Variants in FAT1 observed in about 807,000 individuals in gnomAD.
FAT1 encodes the protein FAT atypical cadherin 1, also known as protocadherin Fat 1.
In FAT1, 171 loss-of-function variants were observed where a neutral mutation model predicts 329.8. The observed-to-expected ratio is 0.52, with a 90% confidence interval of 0.46 to 0.59. FAT1 has a LOEUF of 0.59. Among genes scored for constraint, FAT1 ranks in the 20% least tolerant of loss-of-function variants. The pLI, the probability that FAT1 is intolerant of heterozygous loss-of-function variation, is 0.00. For missense variants in FAT1, 5,672 were observed against 5,774.4 expected, an observed-to-expected ratio of 0.98 and a Z score of 0.57; for synonymous variants, 2,233 against 2,228.6, an observed-to-expected ratio of 1.00 and a Z score of -0.06.
intron 24 of FAT1, 147 bp from the exon 25 acceptor site, chr4:186,597,318 G>A (rs1399739870): frequency 1.3e-5 from 11 of 854,248 alleles, no homozygotes; most frequent in Admixed American, 9.9e-5. Flanking sequence ...AAAATGTAAC[G>A]TCGACAACCA....
chr4:186,714,832 C>CA (rs1745133198), intron 1 of FAT1, among the ~76,000 whole-genome samples: 1 of 152,246 alleles, frequency 6.6e-6, no homozygotes, highest in South Asian at 2.1e-4. Context: ...GTAATCCCAG[C>CA]ACTTCGGGAG....
intron 1 of FAT1, among the ~76,000 whole-genome samples, chr4:186,723,220 T>A (rs1376875036): frequency 5.3e-5 from 8 of 152,192 alleles, no homozygotes; most frequent in Non-Finnish European, 7.4e-5. Flanking sequence ...CATCTGCACC[T>A]CCGGGCAGCG....
rs1423789927 is a variant in FAT1, at chr4:186,619,539, A to G, written c.7047T>C (p.Asp2349=). Reference sequence around the variant, plus strand: ...TCGTGTGCTGCCGGGACTGCTCGTAATCCAGGGTTCTGAGTAGTGAGATGA... The same window carrying G: ...TCGTGTGCTGCCGGGACTGCTCGTAGTCCAGGGTTCTGAGTAGTGAGATGA... ...TGLISLLRTL[D]YEQSRQHTIF... Residue 2349 remains aspartate (D), a synonymous_variant, in exon 10 of 27, where the codon GAT becomes GAC. Transcript: ENST00000441802. 2 of 1,613,920 alleles carry G rather than the reference A, an allele frequency of 1.2e-6. No homozygotes were observed. Among genetic ancestry groups the G allele is most frequent in the South Asian group, 2.2e-5 (2 of 91,084 alleles).
Position 186,595,815 on chromosome 4 carries a change from C to A in FAT1, c.13012G>T (p.Asp4338Tyr), listed in dbSNP as rs2126383011. 1 of 1,613,898 alleles carries A rather than the reference C, an allele frequency of 6.2e-7. No homozygotes were observed. The highest frequency in any genetic ancestry group is 8.5e-7 in the Non-Finnish European group (1 of 1,179,872). The change falls in exon 26 of 27, where the codon GAT (aspartate) becomes TAT (tyrosine). Residue 4338 changes from aspartate (D) to tyrosine (Y), a missense_variant. Coordinates refer to ENST00000441802, the MANE Select transcript of FAT1 (RefSeq NM_005245.4). ...WDFDYDTKVVDLDPCLSKKPL... is the reference protein window; with the variant it reads ...WDFDYDTKVVYLDPCLSKKPL... ...TTCTTGGAAAGACAGGGATCAAGATCCACCACTTTTGCTAAAAGGAAGGAT... is the reference window on the plus strand; with the variant it reads ...TTCTTGGAAAGACAGGGATCAAGATACACCACTTTTGCTAAAAGGAAGGAT...
rs145963507 is a variant in FAT1 at position 186,603,279 on chromosome 4, A to T, written c.11247T>A (p.Asp3749Glu). The change falls in exon 19 of 27, where the codon GAT becomes GAA. Residue 3749 changes from aspartate (D) to glutamate (E), a missense_variant. Asp to Glu is a conservative substitution (Grantham distance 45). This residue lies in a region of FAT1 where 1,706 missense variants were observed against 1,859.1 expected (regional missense o/e 0.92). Coordinates refer to ENST00000441802, the MANE Select transcript of FAT1 (RefSeq NM_005245.4). Reference sequence around the variant, plus strand: ...CACTTTCATCCACAGACACCTTTTCATCGCAGAACTTCCAGGGGCAGTCCA... The same window carrying T: ...CACTTTCATCCACAGACACCTTTTCTTCGCAGAACTTCCAGGGGCAGTCCA... ...AGLDCPWKFCDEKVSVDESVM... is the reference protein window; with the variant it reads ...AGLDCPWKFCEEKVSVDESVM... 1.3e-5 allele frequency: 21 copies of T among 1,613,948 alleles called. No individual in the cohort carries two copies. In the African/African-American group the frequency reaches 2.5e-4, roughly 19 times the overall value.
rs142004511 is a variant in FAT1, at chr4:186,694,542, C to T, written c.3265+12021G>A. Among the ~76,000 whole-genome samples, 54 of 152,258 alleles carry T rather than the reference C, an allele frequency of 3.5e-4. No individual in the cohort carries two copies. The East Asian group carries it at 0.01, about 29-fold the overall frequency. ...AAGAAAACTACTTTTAGTTTACATA[C>T]ATATTATTTTTCTTAAAAGAGTCTG... On this transcript the variant is annotated intron_variant, in intron 2 of 26. Coordinates refer to ENST00000441802, the MANE Select transcript of FAT1 (RefSeq NM_005245.4).
intron 26 of FAT1, among the ~76,000 whole-genome samples, chr4:186,595,063 A>G (rs1212078144): frequency 6.6e-6 from 1 of 152,138 alleles, no homozygotes; most frequent in Non-Finnish European, 1.5e-5. Context: ...TTTACCCTAT[A>G]GGGAAACCAG....
At chr4:186,720,023 C>A (rs1467644897) in intron 1 of FAT1, among the ~76,000 whole-genome samples, 2 of 152,104 alleles carry the variant, frequency 1.3e-5, no homozygotes, top group Non-Finnish European at 2.9e-5. Context: ...ATAATCTAAC[C>A]TCTAACTAAT....
At chr4:186,597,401 T>C (rs1257382052) in intron 24 of FAT1, 2 of 591,172 alleles carry the variant, frequency 3.4e-6, no homozygotes, top group East Asian at 2.8e-5. Context: ...GAAGGAAACA[T>C]ATCAAGCCAA....
intron 20 of FAT1, 185 bp from the exon 21 acceptor site, chr4:186,601,611 T>C: frequency 2.2e-6 from 1 of 451,428 alleles, no homozygotes; most frequent in South Asian, 6.9e-5. Flanking sequence ...TGGCTCTCTG[T>C]TTGGAAAGAA....
rs1241532911 is a variant in FAT1 at position 186,708,368 on chromosome 4, G to A, written c.1460C>T (p.Ala487Val). The A allele has an allele frequency of 3.1e-6, 5 of 1,613,802 alleles. No homozygotes were observed. The highest frequency in any genetic ancestry group is 1.1e-5 in the South Asian group (1 of 91,056). ...GTTCTCACCCTCATCAGGGTCTACG[G>A]CACTCAGGCTCATGACAGTAGTACC... Reference protein sequence around the residue: ...PIGTTVMSLSAVDPDEGENGY... With the variant: ...PIGTTVMSLSVVDPDEGENGY... Residue 487 changes from alanine to valine, a missense_variant, in exon 2 of 27, where the codon GCC becomes GTC. Physicochemically the swap from Ala to Val is moderately conservative, Grantham distance 64. Transcript: ENST00000441802.
In FAT1 at chr4:186,651,493, A is replaced by T. The variant is rs532657445; in HGVS notation, c.3581-11710T>A. Among the ~76,000 whole-genome samples the T allele has an allele frequency of 1.5e-4, 23 of 152,268 alleles. No individual in the cohort carries two copies. In the South Asian group the frequency reaches 4.8e-3, roughly 32 times the overall value. Reference sequence around the variant, plus strand: ...CAATGGGTGAAAGGGAAAATCCTTCAAATGTGGCTGCTTTTAAAAATCTTT... The same window carrying T: ...CAATGGGTGAAAGGGAAAATCCTTCTAATGTGGCTGCTTTTAAAAATCTTT... On this transcript the variant is annotated intron_variant, in intron 3 of 26. Transcript: ENST00000441802.
At chr4:186,720,511 T>C (rs999225948) in intron 1 of FAT1, among the ~76,000 whole-genome samples, 9 of 152,172 alleles carry the variant, frequency 5.9e-5, no homozygotes, top group African/African-American at 1.2e-4. Flanking sequence ...TCATTTCCTC[T>C]GCTTGAATTG....
rs201375672 is a variant in FAT1, at chr4:186,609,215, C to A, written c.10174G>T (p.Val3392Phe). Residue 3392 changes from valine (V) to phenylalanine (F), a missense_variant, in exon 16 of 27, where the codon GTC (valine) becomes TTC (phenylalanine). By Grantham distance (50) the Val-to-Phe change is conservative (BLOSUM62 -1). Coordinates refer to ENST00000441802, the MANE Select transcript of FAT1 (RefSeq NM_005245.4). ...SFTIDPVRGE[V>F]KVTKLLDRET... ...CGGTCGAGAAGTTTGGTCACTTTGACTTCTCCCCTGACGGGGTCAATTGTG... is the reference window on the plus strand; with the variant it reads ...CGGTCGAGAAGTTTGGTCACTTTGAATTCTCCCCTGACGGGGTCAATTGTG... The A allele has an allele frequency of 2.5e-6, 4 of 1,613,852 alleles. No homozygotes were observed. In the African/African-American group the frequency reaches 4.0e-5, roughly 16 times the overall value.
chr4:186,672,185 C>A (rs936340803), intron 2 of FAT1, among the ~76,000 whole-genome samples: 2 of 152,034 alleles, frequency 1.3e-5, no homozygotes, highest in Non-Finnish European at 2.9e-5. Flanking sequence ...AAACAATGTT[C>A]TATTATGTGT....
chr4:186,665,129 G>A (rs534916630), intron 2 of FAT1, among the ~76,000 whole-genome samples: 1 of 152,270 alleles, frequency 6.6e-6, no homozygotes, highest in South Asian at 2.1e-4. Context: ...TTGCCATTCA[G>A]AAGCATTACA....
Position 186,598,087 on chromosome 4 carries a change from G to C in FAT1, c.12142C>G (p.His4048Asp). The C allele has an allele frequency of 1.2e-6, 2 of 1,613,706 alleles. No individual in the cohort carries two copies. Among genetic ancestry groups the C allele is most frequent in the African/African-American group, 2.7e-5 (2 of 75,022 alleles). Residue 4048 changes from histidine (H) to aspartate (D), a missense_variant, in exon 23 of 27, where the codon CAC becomes GAC. Coordinates refer to ENST00000441802, the MANE Select transcript of FAT1 (RefSeq NM_005245.4). ...CKCSALYIGT[H>D]CEISVNPCSS... ...CACGGATTGACGCTTATCTCACAGT[G>C]GGTCCCTATGTACAAGGCACTGCAT...
At chr4:186,657,004 G>C (rs1038950614) in intron 3 of FAT1, among the ~76,000 whole-genome samples, 2 of 152,022 alleles carry the variant, frequency 1.3e-5, no homozygotes, top group Admixed American at 6.6e-5. Flanking sequence ...TGAATGCACT[G>C]GCAGTTGAAA....
chr4:186,640,121 C>T (rs527527188), intron 3 of FAT1, among the ~76,000 whole-genome samples: 1 of 152,176 alleles, frequency 6.6e-6, no homozygotes, highest in South Asian at 2.1e-4. Flanking sequence ...AGTGAGACTC[C>T]ATCTCAAAAA....
Sources: gnomAD v4.1 joint callset for allele counts (sites outside exome capture counted in the v4.1 genomes callset) on GRCh38, gnomAD v4.1.1 for gene constraint, gnomAD v4.1.1 regional missense constraint, MANE v1.5 for transcripts, NCBI Gene and HGNC (gene_info 2026-07-23, HGNC 2026-07-21) for gene names.